SLC24A2: variants seen among roughly 807,000 people sequenced by gnomAD.
SLC24A2 encodes the protein sodium/potassium/calcium exchanger 2.
A neutral mutation model predicts 62.0 loss-of-function variants in SLC24A2; 36 were observed. The ratio of observed to expected loss-of-function variants is 0.58; its 90% CI spans 0.44 to 0.77. The LOEUF is 0.77. SLC24A2 is among the 30% of genes least tolerant of loss of function. The pLI is 0.00. For missense variants in SLC24A2, 846 were observed against 817.9 expected, an observed-to-expected ratio of 1.03 and a Z score of -0.42; for synonymous variants, 358 against 294.0, an observed-to-expected ratio of 1.22 and a Z score of -2.23.
At chr9:19,546,360 C>CT (rs946481400) in intron 8 of SLC24A2, among the ~76,000 whole-genome samples, 39 of 151,596 alleles carry the variant, frequency 2.6e-4, no homozygotes, top group Middle Eastern at 3.4e-3. Context: ...GGGGTACTGC[C>CT]TTTTTTTTTC....
At chr9:19,631,281 A>C (rs79267680) in intron 2 of SLC24A2, among the ~76,000 whole-genome samples, 1 of 152,178 alleles carries the variant, frequency 6.6e-6, no homozygotes, top group Non-Finnish European at 1.5e-5. Flanking sequence ...TCTTGGTCCA[A>C]CACTGAATTG....
chr9:20,201,432 C>T, the SLC24A2 span, among the ~76,000 whole-genome samples: 1 of 152,100 alleles, frequency 6.6e-6, no homozygotes, highest in African/African-American at 2.4e-5. Context: ...GGCTCCTGTC[C>T]ACTTCTGTGA....
the SLC24A2 span, among the ~76,000 whole-genome samples, chr9:20,126,876 T>C: frequency 6.6e-6 from 1 of 152,174 alleles, no homozygotes; most frequent in African/African-American, 2.4e-5. Context: ...CCTCTGTCTA[T>C]AGGGTATATC....
At chr9:19,643,691 T>G (rs539730735) in intron 2 of SLC24A2, among the ~76,000 whole-genome samples, 1 of 152,350 alleles carries the variant, frequency 6.6e-6, no homozygotes, top group African/African-American at 2.4e-5. Flanking sequence ...AAAATAACTA[T>G]GAACATCTGT....
At chr9:19,533,961 G>A (rs1833830415) in intron 8 of SLC24A2, among the ~76,000 whole-genome samples, 1 of 152,092 alleles carries the variant, frequency 6.6e-6, no homozygotes, top group Admixed American at 6.6e-5. Context: ...GAATAAACTG[G>A]GACCGTCCTG....
the SLC24A2 span, among the ~76,000 whole-genome samples, chr9:20,032,131 C>T: frequency 3.3e-5 from 5 of 152,266 alleles, no homozygotes; most frequent in South Asian, 8.3e-4. Context: ...TTATCAGGTT[C>T]TTCAGTTTTT....
chr9:20,171,003 G>A, the SLC24A2 span, among the ~76,000 whole-genome samples: 1 of 152,014 alleles, frequency 6.6e-6, no homozygotes, highest in African/African-American at 2.4e-5. Flanking sequence ...AAACCTATCA[G>A]ATTAACATCA....
At chr9:20,137,616 T>C in the SLC24A2 span, among the ~76,000 whole-genome samples, 1 of 152,236 alleles carries the variant, frequency 6.6e-6, no homozygotes, top group Admixed American at 6.5e-5. Context: ...ATGGCTTCTA[T>C]TCCTTTCTAT....
chr9:20,109,020 G>C, the SLC24A2 span, among the ~76,000 whole-genome samples: 16,925 of 152,072 alleles, frequency 0.11, 1,000 homozygotes, highest in Middle Eastern at 0.17. Flanking sequence ...TGTTTAGATA[G>C]GCAAATGCTT....
At chr9:20,160,816 T>C in the SLC24A2 span, among the ~76,000 whole-genome samples, 1 of 150,270 alleles carries the variant, frequency 6.7e-6, no homozygotes, top group South Asian at 2.1e-4. Flanking sequence ...TGAAATGTTT[T>C]AAAAATAATT....
At chr9:19,773,346 C>T (rs2118900512) in intron 2 of SLC24A2, among the ~76,000 whole-genome samples, 1 of 152,176 alleles carries the variant, frequency 6.6e-6, no homozygotes, top group South Asian at 2.1e-4. Flanking sequence ...ATTAAAAAGT[C>T]AATAGAGAAA....
intron 7 of SLC24A2, among the ~76,000 whole-genome samples, chr9:19,561,868 T>C (rs1294645946): frequency 6.6e-6 from 1 of 152,188 alleles, no homozygotes; most frequent in Admixed American, 6.5e-5. Flanking sequence ...AAACACAACA[T>C]GAGAAGGTTT....
the SLC24A2 span, among the ~76,000 whole-genome samples, chr9:20,137,761 C>T: frequency 6.6e-6 from 1 of 152,152 alleles, no homozygotes; most frequent in African/African-American, 2.4e-5. Flanking sequence ...TAAACAGAGT[C>T]AAGGAGGTTT....
the SLC24A2 span, among the ~76,000 whole-genome samples, chr9:19,887,158 T>C: frequency 6.6e-6 from 1 of 152,138 alleles, no homozygotes; most frequent in Non-Finnish European, 1.5e-5. Context: ...CACACGTTTA[T>C]CTATATAGCA....
At chr9:20,298,443 G>T in the SLC24A2 span, among the ~76,000 whole-genome samples, 5 of 152,142 alleles carry the variant, frequency 3.3e-5, no homozygotes, top group Admixed American at 2.6e-4. Context: ...TGGCCTGGCT[G>T]GTCTTGAACT....
chr9:20,135,854 A>C, the SLC24A2 span, among the ~76,000 whole-genome samples: 1 of 152,144 alleles, frequency 6.6e-6, no homozygotes, highest in African/African-American at 2.4e-5. Context: ...AAGACAAGAC[A>C]CATTTTGAAA....
chr9:19,852,718 T>C, the SLC24A2 span, among the ~76,000 whole-genome samples: 1 of 152,236 alleles, frequency 6.6e-6, no homozygotes, highest in African/African-American at 2.4e-5. Flanking sequence ...TTTTGGTTAC[T>C]GTAGCCTGGT....
intron 7 of SLC24A2, among the ~76,000 whole-genome samples, chr9:19,559,716 A>C (rs1182855081): frequency 6.6e-5 from 10 of 152,188 alleles, no homozygotes; most frequent in African/African-American, 2.2e-4. Context: ...TTTAAATCAC[A>C]CTACACATTT....
intron 4 of SLC24A2, among the ~76,000 whole-genome samples, chr9:19,610,054 G>GA (rs1563996244): frequency 1.3e-5 from 2 of 152,148 alleles, no homozygotes; most frequent in African/African-American, 4.8e-5. Context: ...GGGGGTTGGG[G>GA]ACCCCTGCTT....
Sources: gnomAD v4.1 joint callset for allele counts (sites outside exome capture counted in the v4.1 genomes callset) on GRCh38, gnomAD v4.1.1 for gene constraint, MANE v1.5 for transcripts, NCBI Gene and HGNC (gene_info 2026-07-23, HGNC 2026-07-21) for gene names.